Variants in MAP3K2 observed in about 807,000 individuals in gnomAD.
MAP3K2 encodes mitogen-activated protein kinase kinase kinase 2.
In MAP3K2, 24 loss-of-function variants were observed where a neutral mutation model predicts 80.3. The ratio of observed to expected loss-of-function variants is 0.30; its 90% confidence interval spans 0.22 to 0.42. MAP3K2 has a LOEUF of 0.42. Ranked by LOEUF, MAP3K2 falls within the 10% of genes least tolerant of loss-of-function variation. The pLI, the probability that MAP3K2 is intolerant of heterozygous loss-of-function variation, is 1.00. For missense variants in MAP3K2, 608 were observed against 750.1 expected (o/e 0.81, Z 2.21); for synonymous variants, 244 against 253.7 (o/e 0.96, Z 0.36).
intron 13 of MAP3K2, 92 bp downstream of exon 13, chr2:127,318,077 C>A: frequency 2.3e-5 from 16 of 702,666 alleles, no homozygotes; most frequent in East Asian, 7.2e-5. Flanking sequence ...AAAAATGCTT[C>A]TTATTTAGAA....
chr2:127,352,320 C>T (rs756827404), intron 1 of MAP3K2, among the ~76,000 whole-genome samples: 5 of 152,110 alleles, frequency 3.3e-5, no homozygotes, highest in Admixed American at 6.5e-5. Flanking sequence ...GTTTAAATAC[C>T]GGTAGGCTAA....
chr2:127,331,262 T>G (rs1048195097), intron 5 of MAP3K2, among the ~76,000 whole-genome samples: 1 of 152,126 alleles, frequency 6.6e-6, no homozygotes, highest in Non-Finnish European at 1.5e-5. Context: ...AAAAAAAAAG[T>G]CAATTTAGTA....
rs59924558 is a variant in MAP3K2 at position 127,366,861 on chromosome 2, C to G, written c.-66+20591G>C. Among the ~76,000 whole-genome samples the G allele has an allele frequency of 8.3e-3, 1,062 of 127,756 alleles. 23 individuals carry two copies. The highest frequency in any genetic ancestry group is 0.027 in the African/African-American group (967 of 35,666). The allele number at this position is 127,756 out of a possible 152,430, so 83.8% of individuals were successfully genotyped here. ...GTTCATTACTAAGCTGTCCCACAGT[C>G]AAGGGTTTTTTTTTTTTTTTTTTTT... is the stretch of plus-strand genomic sequence containing the variant. On this transcript the variant is annotated intron_variant, in intron 1 of 16. Transcript: ENST00000682094.
At chr2:127,317,551 C>G in intron 14 of MAP3K2, 78 bp downstream of exon 14, 1 of 1,247,300 alleles carries the variant, frequency 8.0e-7, no homozygotes. Context: ...ATTTTATAAT[C>G]TACGTTTTTG....
Position 127,314,956 on chromosome 2 carries a change from C to T in MAP3K2, c.1327-73G>A, listed in dbSNP as rs181383585. ...ATGAAAACTGCTATTAAATCTTTAT[C>T]AGTAAAGAGGGCAGGAATTCTCATC... On this transcript the variant is annotated intron_variant, in intron 14 of 16. Coordinates refer to ENST00000682094, the MANE Select transcript of MAP3K2 (RefSeq NM_001371910.2). 4.5e-4 allele frequency: 484 copies of T among 1,084,392 alleles called. 2 individuals carry two copies. In the African/African-American group the frequency reaches 5.4e-3, roughly 12 times the overall value. 67.2% of individuals were successfully genotyped at this position (1,084,392 alleles called of 1,614,324 possible). A position where few individuals can be genotyped will look rare whatever the true frequency, so the allele number is the denominator to read the frequency against.
chr2:127,368,602 C>CA (rs1687012022), intron 1 of MAP3K2, among the ~76,000 whole-genome samples: 2 of 151,966 alleles, frequency 1.3e-5, no homozygotes, highest in African/African-American at 4.8e-5. Context: ...AGCCTGGAGA[C>CA]AGAGTGAGAC....
chr2:127,388,084 G>T (rs533616109), upstream of MAP3K2: 2 of 984,098 alleles, frequency 2.0e-6, no homozygotes, highest in African/African-American at 1.7e-5. Context: ...AGGGGAGTGG[G>T]TCGGCGCCTG....
intron 1 of MAP3K2, among the ~76,000 whole-genome samples, chr2:127,368,177 C>A (rs1010123197): frequency 6.6e-6 from 1 of 151,794 alleles, no homozygotes; most frequent in Non-Finnish European, 1.5e-5. Flanking sequence ...GGAAAATTAA[C>A]CTGGTGTGGT....
At chr2:127,327,579 A>G (rs914707721) in intron 7 of MAP3K2, among the ~76,000 whole-genome samples, 29 of 151,856 alleles carry the variant, frequency 1.9e-4, no homozygotes, top group African/African-American at 6.8e-4. Context: ...AAAAAAAAAA[A>G]GCTATGAAAA....
At position 127,319,174 on chromosome 2, in the gene MAP3K2, A is replaced by T. The variant is rs559311061; in HGVS notation, c.1046-857T>A. Among the ~76,000 whole-genome samples, 7 of 151,312 alleles carry T rather than the reference A, an allele frequency of 4.6e-5. No homozygotes were observed. The East Asian group carries it at 1.4e-3, about 30-fold the overall frequency. On this transcript the variant is annotated intron_variant, in intron 12 of 16. Transcript: ENST00000682094. ...AGAGCCTTCAGCCGCTGGAGAAAGC[A>T]GCAAACCCTGTCACCCCTGCATTAC...
chr2:127,353,640 G>A lies in MAP3K2; in HGVS notation c.-65-10446C>T, dbSNP rs190349467. On this transcript the variant is annotated intron_variant, in intron 1 of 16. Coordinates refer to ENST00000682094, the MANE Select transcript of MAP3K2 (RefSeq NM_001371910.2). ...GGTGGGGGGGGTCAAACCCCGGCCCGGCCAGCCACCCCGTCCGGGAGGTGA... is the reference window on the plus strand; with the variant it reads ...GGTGGGGGGGGTCAAACCCCGGCCCAGCCAGCCACCCCGTCCGGGAGGTGA... Among the ~76,000 whole-genome samples the A allele has an allele frequency of 4.7e-3, 711 of 150,722 alleles. 17 individuals are homozygous for A. The highest frequency in any genetic ancestry group is 0.035 in the East Asian group (174 of 4,986).
At position 127,371,052 on chromosome 2, in the gene MAP3K2, C is replaced by T. The variant is rs140088782; in HGVS notation, c.-66+16400G>A. Among the ~76,000 whole-genome samples, 639 of 152,298 alleles carry T rather than the reference C, an allele frequency of 4.2e-3. 7 individuals are homozygous for T. The highest frequency in any genetic ancestry group is 0.015 in the African/African-American group (604 of 41,558). On this transcript the variant is annotated intron_variant, in intron 1 of 16. Coordinates refer to ENST00000682094, the MANE Select transcript of MAP3K2 (RefSeq NM_001371910.2). ...GACAATGCAATCAGGTACATGAACC[C>T]ATTTCTTTTAATGCTTATAAAAAGC... is the stretch of plus-strand genomic sequence containing the variant.
In MAP3K2 at chr2:127,335,937, TC is replaced by T; in HGVS notation, c.196del (p.Glu66LysfsTer3). On this transcript the variant is annotated frameshift_variant, in exon 5 of 17. Transcript: ENST00000682094. LOFTEE classifies it high-confidence loss of function. ...AATTTTAGCTTTAGATCTCAGATCT[TC>T]CAGTTTAACTGGTCTGGGGAACTGA... ...ILQFPRPVKLEDLRSKAKIAF... is the reference protein window; with the variant it reads ...ILQFPRPVKLXDLRSKAKIAF... 1 of 1,572,072 alleles carries T rather than the reference TC, an allele frequency of 6.4e-7. No homozygotes were observed. The highest frequency in any genetic ancestry group is 8.7e-7 in the Non-Finnish European group (1 of 1,155,576).
intron 1 of MAP3K2, among the ~76,000 whole-genome samples, chr2:127,349,401 A>T (rs1010383794): frequency 6.6e-6 from 1 of 152,066 alleles, no homozygotes; most frequent in Non-Finnish European, 1.5e-5. Context: ...CCTGGGCTCA[A>T]GCAATCCTCC....
At position 127,301,543 on chromosome 2, in the gene MAP3K2, G is replaced by A. The variant is rs1381448026; in HGVS notation, c.*6036C>T. The A allele has an allele frequency of 1.3e-5, 2 of 152,072 alleles. No individual in the cohort carries two copies. Among genetic ancestry groups the A allele is most frequent in the African/African-American group, 2.4e-5 (1 of 41,410 alleles). The allele number at this position is 152,072 out of a possible 1,614,324, so 9.4% of individuals were successfully genotyped here. The stretch of plus-strand genomic sequence containing the variant: ...CAGAAGTAACAGTGCTAATTATTTT[G>A]GCTATGTGTACAGGGAATATAAAAG... On this transcript the variant is annotated 3_prime_UTR_variant, in exon 17 of 17. Transcript: ENST00000682094.
At position 127,302,930 on chromosome 2, in the gene MAP3K2, G is replaced by C. The variant is rs1395738765; in HGVS notation, c.*4649C>G. 1 of 151,912 alleles carries C rather than the reference G, an allele frequency of 6.6e-6. No homozygotes were observed. Among genetic ancestry groups the C allele is most frequent in the Non-Finnish European group, 1.5e-5 (1 of 67,984 alleles). The allele number at this position is 151,912 out of a possible 1,614,324, so 9.4% of individuals were successfully genotyped here. ...AAGGAGGTAGAAAAGGGTAGGAGGA[G>C]GCAGGCATTAAGAAACATTTAAGGA... On this transcript the variant is annotated 3_prime_UTR_variant, in exon 17 of 17. Transcript: ENST00000682094.
At position 127,312,042 on chromosome 2, in the gene MAP3K2, G is replaced by A. The variant is rs528306310; in HGVS notation, c.1456+2712C>T. On this transcript the variant is annotated intron_variant, in intron 15 of 16. Transcript: ENST00000682094. ...TAATTCTGTAACCGAATTTGGAGGC[G>A]TGATCAGATTCAGGTTCAATTTCTG... Among the ~76,000 whole-genome samples, 6 of 152,266 alleles carry A rather than the reference G, an allele frequency of 3.9e-5. No homozygotes were observed. In the East Asian group the frequency reaches 9.6e-4, roughly 24 times the overall value.
intron 12 of MAP3K2, among the ~76,000 whole-genome samples, chr2:127,319,676 A>C (rs1280270096): frequency 7.3e-6 from 1 of 137,870 alleles, no homozygotes; most frequent in Non-Finnish European, 1.6e-5. Flanking sequence ...AAAAAAAAAA[A>C]AAGAAAAAGA....
Position 127,307,064 on chromosome 2 carries a change from A to G in MAP3K2, c.*515T>C, listed in dbSNP as rs1416710684. On this transcript the variant is annotated 3_prime_UTR_variant, in exon 17 of 17. Coordinates refer to ENST00000682094, the MANE Select transcript of MAP3K2 (RefSeq NM_001371910.2). This position sits in a 1 kb window ranked among gnomAD's most constrained non-coding sequence, Gnocchi z 5.4. ...AGGTTAGGATCTAAAGAATACAGAT[A>G]TAAGAAGAAACCTATATTCTTTAAG... 2.0e-5 allele frequency: 3 copies of G among 152,694 alleles called. No individual in the cohort carries two copies. The highest frequency in any genetic ancestry group is 4.8e-5 in the African/African-American group (2 of 41,456). 9.5% of individuals were successfully genotyped at this position (152,694 alleles called of 1,614,324 possible).
Sources: allele counts gnomAD v4.1 joint callset (sites outside exome capture counted in the v4.1 genomes callset), GRCh38; gene constraint gnomAD v4.1.1; non-coding constraint Gnocchi (gnomAD v3.1); transcripts MANE v1.5; gene names NCBI Gene and HGNC (gene_info 2026-07-23, HGNC 2026-07-21).